The following DNER variants were observed in gnomAD, a reference collection of about 807,000 sequenced individuals.
The protein encoded by DNER is delta and Notch-like epidermal growth factor-related receptor.
Under a neutral mutation model 78.2 loss-of-function variants are expected in DNER, and 33 were observed. That is an observed-to-expected ratio of 0.42 (90% confidence interval 0.32 to 0.56). The LOEUF (loss-of-function observed/expected upper bound fraction) is 0.56, where lower values mean the gene tolerates loss of function less well. Ranked by LOEUF, DNER falls within the 20% of genes least tolerant of loss-of-function variation. The pLI is 0.11. For synonymous variants in DNER, 417 were observed against 384.8 expected, an observed-to-expected ratio of 1.08 and a Z score of -0.98; for missense variants, 918 against 975.3, an observed-to-expected ratio of 0.94 and a Z score of 0.78.
At chr2:229,565,842 T>C (rs1697096751) in intron 4 of DNER, among the ~76,000 whole-genome samples, 1 of 152,208 alleles carries the variant, frequency 6.6e-6, no homozygotes, top group African/African-American at 2.4e-5. Flanking sequence ...TAAAATTCTT[T>C]ATTTAATCTC....
Position 229,425,707 on chromosome 2 carries a change from T to C in DNER, c.1487-7477A>G, listed in dbSNP as rs113027479. 8.1e-3 allele frequency among the ~76,000 whole-genome samples: 1,233 copies of C among 152,252 alleles called. 20 individuals carry two copies. Among genetic ancestry groups the C allele is most frequent in the African/African-American group, 0.028 (1,183 of 41,532 alleles). ...CCGTCCCTCATCACACTCAAAAATA[T>C]CCAAAACTGTAAGATTCTAGCTGTA... On this transcript the variant is annotated intron_variant, in intron 8 of 12. Transcript: ENST00000341772.
Position 229,435,487 on chromosome 2 carries a change from C to A in DNER, c.1486+11829G>T, listed in dbSNP as rs533532231. On this transcript the variant is annotated intron_variant, in intron 8 of 12. Transcript: ENST00000341772. ...GTTACACAGCAATGACTAACTAATA[C>A]AAAGGTTGATTGCCAGGTACAATGT... 3.9e-5 allele frequency among the ~76,000 whole-genome samples: 6 copies of A among 152,310 alleles called. No individual in the cohort carries two copies. The East Asian group carries it at 1.2e-3, about 29-fold the overall frequency.
chr2:229,404,341 C>G (rs530576932), intron 10 of DNER, among the ~76,000 whole-genome samples: 1 of 152,122 alleles, frequency 6.6e-6, no homozygotes, highest in African/African-American at 2.4e-5. Context: ...GCAGAAGGCA[C>G]CTCTTCACAG....
chr2:229,637,539 G>A (rs983295549), intron 1 of DNER, among the ~76,000 whole-genome samples: 1 of 152,178 alleles, frequency 6.6e-6, no homozygotes, highest in African/African-American at 2.4e-5. Flanking sequence ...TTTTACTGCA[G>A]TTTATCATCC....
chr2:229,508,773 C>T (rs905253089), intron 6 of DNER, among the ~76,000 whole-genome samples: 3 of 151,890 alleles, frequency 2.0e-5, no homozygotes, highest in Admixed American at 6.6e-5. Flanking sequence ...CCCAGCTACT[C>T]GGGAGGCTGA....
At chr2:229,499,396 G>C (rs547179132) in intron 6 of DNER, among the ~76,000 whole-genome samples, 1 of 140,532 alleles carries the variant, frequency 7.1e-6, no homozygotes, top group African/African-American at 2.7e-5. Context: ...AGTGAGCCAA[G>C]ATCATGCCAC....
intron 4 of DNER, among the ~76,000 whole-genome samples, 185 bp from the exon 5 acceptor site, chr2:229,547,277 A>G (rs1273217606): frequency 6.6e-6 from 1 of 152,212 alleles, no homozygotes; most frequent in Non-Finnish European, 1.5e-5. Flanking sequence ...CTGAGACCTC[A>G]GGACTTTAGG....
chr2:229,525,517 G>A (rs1696190786), intron 5 of DNER, among the ~76,000 whole-genome samples: 1 of 151,954 alleles, frequency 6.6e-6, no homozygotes, highest in South Asian at 2.1e-4. Flanking sequence ...TTGATATCAT[G>A]GAAGTTAACT....
At chr2:229,710,984 C>G (rs1198361785) in intron 1 of DNER, among the ~76,000 whole-genome samples, 1 of 9,814 alleles carries the variant, frequency 1.0e-4, no homozygotes, top group African/African-American at 5.3e-4. Flanking sequence ...CATACACGCG[C>G]ACACACACAC....
chr2:229,457,032 A>G (rs1694590408), intron 7 of DNER, among the ~76,000 whole-genome samples: 1 of 152,152 alleles, frequency 6.6e-6, no homozygotes, highest in Non-Finnish European at 1.5e-5. Context: ...GGCACTGGAA[A>G]AATAAACTCG....
At chr2:229,385,450 T>C (rs1481644283) in intron 11 of DNER, among the ~76,000 whole-genome samples, 1 of 152,168 alleles carries the variant, frequency 6.6e-6, no homozygotes, top group East Asian at 1.9e-4. Flanking sequence ...CTATTCAACA[T>C]AGCATTGGAA....
chr2:229,424,361 G>A (rs1398323928), intron 8 of DNER, among the ~76,000 whole-genome samples: 2 of 152,214 alleles, frequency 1.3e-5, no homozygotes, highest in African/African-American at 4.8e-5. Context: ...AGTCAATCCT[G>A]TGTGTTCTTC....
intron 9 of DNER, among the ~76,000 whole-genome samples, chr2:229,408,767 T>G (rs922009774): frequency 1.2e-4 from 18 of 152,198 alleles, no homozygotes; most frequent in Non-Finnish European, 2.1e-4. Flanking sequence ...CCTATCTATA[T>G]TCACACTAAT....
intron 6 of DNER, among the ~76,000 whole-genome samples, chr2:229,486,130 C>G (rs1695266114): frequency 6.6e-6 from 1 of 152,086 alleles, no homozygotes; most frequent in African/African-American, 2.4e-5. Context: ...AAGAAGTAAA[C>G]CGGGGGAATA....
intron 12 of DNER, among the ~76,000 whole-genome samples, 185 bp downstream of exon 12, chr2:229,366,688 C>T (rs1362954776): frequency 6.6e-6 from 1 of 152,160 alleles, no homozygotes; most frequent in Non-Finnish European, 1.5e-5. Flanking sequence ...GAAAAGCTAG[C>T]AGCAAATTAA....
chr2:229,424,537 G>A (rs1693833792), intron 8 of DNER, among the ~76,000 whole-genome samples: 1 of 152,116 alleles, frequency 6.6e-6, no homozygotes, highest in Non-Finnish European at 1.5e-5. Flanking sequence ...TTCCCCTGAG[G>A]CCTCTCCCCT....
chr2:229,459,703 C>T lies in DNER; in HGVS notation c.1262-12163G>A, dbSNP rs556507085. 7.9e-4 allele frequency among the ~76,000 whole-genome samples: 120 copies of T among 152,060 alleles called. 2 individuals are homozygous for T. The highest frequency in any genetic ancestry group is 2.9e-3 in the African/African-American group (119 of 41,378). ...ATTTGCTGCTTCTCACAAGAGAGTT[C>T]GTGTGAAAGCATTTGACAAGTCGAA... On this transcript the variant is annotated intron_variant, in intron 7 of 12. Transcript: ENST00000341772.
chr2:229,530,578 C>T (rs549799940), intron 5 of DNER, among the ~76,000 whole-genome samples: 2 of 152,348 alleles, frequency 1.3e-5, no homozygotes, highest in African/African-American at 2.4e-5. Context: ...GGCAATGGCC[C>T]GAGAGGGCCT....
chr2:229,375,407 G>A (rs1187280838), intron 11 of DNER, among the ~76,000 whole-genome samples: 1 of 152,126 alleles, frequency 6.6e-6, no homozygotes, highest in Non-Finnish European at 1.5e-5. Context: ...ACAGAATTGA[G>A]TTATCAACCA....
Sources: allele counts gnomAD v4.1 joint callset (sites outside exome capture counted in the v4.1 genomes callset), GRCh38; gene constraint gnomAD v4.1.1; transcripts MANE v1.5; gene names NCBI Gene and HGNC (gene_info 2026-07-23, HGNC 2026-07-21).